Variants in INPP5D observed in about 807,000 individuals in gnomAD.
INPP5D encodes inositol polyphosphate-5-phosphatase D.
Under a neutral mutation model 122.9 loss-of-function variants are expected in INPP5D, and 33 were observed. That is an observed-to-expected ratio of 0.27 (90% CI 0.20 to 0.36). INPP5D has a LOEUF of 0.36. Ranked by LOEUF, INPP5D falls within the 10% of genes least tolerant of loss-of-function variation. The probability of loss-of-function intolerance (pLI) is 1.00; values close to 1 mark genes in which losing one functional copy is unlikely to be tolerated. For missense variants in INPP5D, 1,053 were observed against 1,412.7 expected (o/e 0.75, Z 4.08); for synonymous variants, 584 against 576.2 (o/e 1.01, Z -0.19).
chr2:233,163,822 A>G lies in INPP5D; in HGVS notation c.1356A>G (p.Gln452=). The part of the protein sequence containing the change: ...IPHDIYVIGT[Q]EDPLSEKEWL... ...ATGACATTTACGTGATCGGCACCCA[A>G]GAGGACCCCCTGAGTGAGAAGGAGT... The change falls in exon 12 of 27, where the codon CAA becomes CAG. Residue 452 remains glutamine (Q), a synonymous_variant. Transcript: ENST00000445964. 1 of 1,613,940 alleles carries G rather than the reference A, an allele frequency of 6.2e-7. No homozygotes were observed. Among genetic ancestry groups the G allele is most frequent in the South Asian group, 1.1e-5 (1 of 91,074 alleles).
intron 21 of INPP5D, among the ~76,000 whole-genome samples, chr2:233,186,973 G>A (rs1016870759): frequency 3.3e-5 from 5 of 151,410 alleles, no homozygotes; most frequent in East Asian, 3.9e-4. Flanking sequence ...CACTGGTCTC[G>A]GCCTCCCAAA....
chr2:233,118,119 A>G (rs372954770), intron 2 of INPP5D, among the ~76,000 whole-genome samples: 6 of 151,120 alleles, frequency 4.0e-5, no homozygotes, highest in African/African-American at 1.5e-4. Flanking sequence ...GGACCCACCT[A>G]CTCCTGCTGG....
intron 26 of INPP5D, 79 bp downstream of exon 26, chr2:233,204,796 ATGTG>A (rs1695449553): frequency 1.6e-6 from 2 of 1,241,026 alleles, no homozygotes; most frequent in African/African-American, 1.6e-5. Flanking sequence ...ACCTATGCAT[ATGTG>A]TGTGCATGTG....
At chr2:233,156,686 G>A (rs368770706) in intron 9 of INPP5D, among the ~76,000 whole-genome samples, 3 of 152,316 alleles carry the variant, frequency 2.0e-5, no homozygotes, top group East Asian at 3.9e-4. Context: ...CTCCCCCAGT[G>A]AGGTGTGACA....
At chr2:233,172,523 C>G (rs1467804142) in intron 17 of INPP5D, among the ~76,000 whole-genome samples, 3 of 152,140 alleles carry the variant, frequency 2.0e-5, no homozygotes, top group Admixed American at 1.3e-4. Flanking sequence ...GGATATATTG[C>G]GAGACCTGAT....
rs192543740 is a variant in INPP5D at position 233,081,935 on chromosome 2, C to T, written c.198+2537C>T. ...AGGGGCTGCCAGTCTGTGTATGAATCGGCTGTCTTGGAGCAGGTACCCCCC... is the reference window on the plus strand; with the variant it reads ...AGGGGCTGCCAGTCTGTGTATGAATTGGCTGTCTTGGAGCAGGTACCCCCC... On this transcript the variant is annotated intron_variant, in intron 2 of 26. Coordinates refer to ENST00000445964, the MANE Select transcript of INPP5D (RefSeq NM_001017915.3). Among the ~76,000 whole-genome samples the T allele has an allele frequency of 5.1e-4, 78 of 152,278 alleles. No individual in the cohort carries two copies. In the East Asian group the frequency reaches 7.7e-3, roughly 15 times the overall value.
chr2:233,125,767 C>A lies in INPP5D; in HGVS notation c.372C>A (p.Pro124=). 6.2e-7 allele frequency: 1 copy of A among 1,613,492 alleles called. No homozygotes were observed. The highest frequency in any genetic ancestry group is 8.5e-7 in the Non-Finnish European group (1 of 1,179,648). Reference sequence around the variant, plus strand: ...CAGTAGAAAGTGTCGTGTCTCCACCCGAGCTGCCCCCAAGAAACATCCCGC... The same window carrying A: ...CAGTAGAAAGTGTCGTGTCTCCACCAGAGCTGCCCCCAAGAAACATCCCGC... ...EDTVESVVSP[P]ELPPRNIPLT... Residue 124 remains proline, a synonymous_variant, in exon 4 of 27, where the codon CCC becomes CCA. Transcript: ENST00000445964.
At position 233,168,431 on chromosome 2, in the gene INPP5D, T is replaced by C. The variant is rs146632116; in HGVS notation, c.1556-874T>C. 7.1e-4 allele frequency among the ~76,000 whole-genome samples: 108 copies of C among 152,266 alleles called. 4 individuals carry two copies. Among genetic ancestry groups the C allele is most frequent in the African/African-American group, 2.4e-3 (101 of 41,546 alleles). ...GTGTCAGAATCACCTAGAGCAGGGG[T>C]TAACAAGCGTTTTCCATAGAAGGCC... On this transcript the variant is annotated intron_variant, in intron 13 of 26. Coordinates refer to ENST00000445964, the MANE Select transcript of INPP5D (RefSeq NM_001017915.3).
rs762825882 is a variant in INPP5D at position 233,169,347 on chromosome 2, C to G, written c.1598C>G (p.Thr533Ser). ...AVGVSFMFNG[T>S]SLGFVNSHLT... ...GGGGTGTCGTTCATGTTCAATGGAA[C>G]CTCCTTAGGGTTCGTCAACAGCCAC... Residue 533 changes from threonine (T) to serine (S), a missense_variant, in exon 14 of 27, where the codon ACC becomes AGC. Thr to Ser is a moderately conservative substitution (Grantham distance 58). This residue lies in a region of INPP5D where 258 missense variants were observed against 439.1 expected (regional missense o/e 0.59). Transcript: ENST00000445964. 2.1e-5 allele frequency: 34 copies of G among 1,606,648 alleles called. No homozygotes were observed. Among genetic ancestry groups the G allele is most frequent in the Admixed American group, 3.4e-5 (2 of 58,896 alleles).
chr2:233,060,819 C>T (rs1387883240), intron 1 of INPP5D, among the ~76,000 whole-genome samples: 1 of 152,246 alleles, frequency 6.6e-6, no homozygotes, highest in Non-Finnish European at 1.5e-5. Flanking sequence ...CAGAACCACT[C>T]TGAGGCCTGA....
In INPP5D at chr2:233,170,966, G is replaced by A. The variant is rs546475621; in HGVS notation, c.1901-98G>A. Reference sequence around the variant, plus strand: ...TTGGAGCCTTTCCAGCCATCCTTTCGTCCCCTTTCCCCTGATTTCCTACCA... The same window carrying A: ...TTGGAGCCTTTCCAGCCATCCTTTCATCCCCTTTCCCCTGATTTCCTACCA... On this transcript the variant is annotated intron_variant, in intron 16 of 26. Coordinates refer to ENST00000445964, the MANE Select transcript of INPP5D (RefSeq NM_001017915.3). The surrounding 1 kb of genome is among the most constrained non-coding windows in gnomAD (Gnocchi z 4.5). 59 of 1,455,780 alleles carry A rather than the reference G, an allele frequency of 4.1e-5. No homozygotes were observed. Among genetic ancestry groups the A allele is most frequent in the African/African-American group, 2.5e-4 (17 of 69,368 alleles). 90.2% of individuals were successfully genotyped at this position (1,455,780 alleles called of 1,614,324 possible). A position where few individuals can be genotyped will look rare whatever the true frequency, so the allele number is the denominator to read the frequency against.
chr2:233,204,406 T>G lies in INPP5D; in HGVS notation c.3256T>G (p.Phe1086Val). The G allele has an allele frequency of 1.2e-6, 2 of 1,610,546 alleles. No homozygotes were observed. The highest frequency in any genetic ancestry group is 1.7e-6 in the Non-Finnish European group (2 of 1,178,862). Residue 1086 changes from phenylalanine (F) to valine (V), a missense_variant, in exon 26 of 27, where the codon TTC (phenylalanine) becomes GTC (valine). By Grantham distance (50) the Phe-to-Val change is conservative. This residue lies in a region of INPP5D where 417 missense variants were observed against 425.8 expected (regional missense o/e 0.98). Transcript: ENST00000445964. ...KQVPAPRLRS[F>V]TCSSSAEGRA... ...GGTGCCCGCGCCCCGGCTGCGCTCC[T>G]TCACGTGCTCATCCTCTGCCGAGGG...
intron 2 of INPP5D, among the ~76,000 whole-genome samples, chr2:233,111,637 C>T (rs779174583): frequency 6.6e-5 from 10 of 152,254 alleles, no homozygotes; most frequent in Non-Finnish European, 1.3e-4. Context: ...ATGCTGTGTC[C>T]TCTGTGCACC....
At chr2:233,086,264 C>T (rs1488904862) in intron 2 of INPP5D, among the ~76,000 whole-genome samples, 5 of 151,478 alleles carry the variant, frequency 3.3e-5, no homozygotes, top group South Asian at 2.1e-4. Context: ...CCACAACCTC[C>T]GCCTCCTGGG....
At chr2:233,098,447 A>T (rs940460920) in intron 2 of INPP5D, among the ~76,000 whole-genome samples, 2 of 152,234 alleles carry the variant, frequency 1.3e-5, no homozygotes, top group African/African-American at 4.8e-5. Flanking sequence ...GCCAGACACC[A>T]GGAAACTCTC....
chr2:233,109,827 C>T (rs1692568401), intron 2 of INPP5D, among the ~76,000 whole-genome samples: 1 of 150,036 alleles, frequency 6.7e-6, no homozygotes, highest in Non-Finnish European at 1.5e-5. Context: ...ACCTCATGAA[C>T]CACCCGCCTC....
intron 2 of INPP5D, among the ~76,000 whole-genome samples, chr2:233,088,368 T>C (rs1691906720): frequency 6.6e-6 from 1 of 152,202 alleles, no homozygotes; most frequent in South Asian, 2.1e-4. Flanking sequence ...TTCCTGGGAT[T>C]TTCACTCCTG....
intron 2 of INPP5D, among the ~76,000 whole-genome samples, chr2:233,110,839 T>C (rs141205949): frequency 0.069 from 10,430 of 151,944 alleles, 697 homozygotes; most frequent in African/African-American, 0.17. Flanking sequence ...GTAGGAGAAT[T>C]GCTTGAACTC....
chr2:233,202,518 A>G (rs576049345), intron 25 of INPP5D, among the ~76,000 whole-genome samples: 10 of 152,264 alleles, frequency 6.6e-5, no homozygotes, highest in African/African-American at 2.4e-4. Flanking sequence ...TGTGAGGACG[A>G]CATCCCGCCT....
Sources: allele counts gnomAD v4.1 joint callset (sites outside exome capture counted in the v4.1 genomes callset), GRCh38; gene constraint gnomAD v4.1.1; regional missense constraint gnomAD v4.1.1; non-coding constraint Gnocchi (gnomAD v3.1); transcripts MANE v1.5; gene names NCBI Gene and HGNC (gene_info 2026-07-23, HGNC 2026-07-21).